Variants in CNOT2 observed in about 807,000 individuals in gnomAD.
CNOT2 encodes CCR4-NOT transcription complex subunit 2, also known as CC chemokine receptor 4-negative regulator of transcription 2.
In CNOT2, 7 loss-of-function variants were observed where a neutral mutation model predicts 72.1. The observed-to-expected ratio is 0.10, with a 90% CI of 0.06 to 0.18. The LOEUF is 0.18. Ranked by LOEUF, CNOT2 falls within the 10% of genes least tolerant of loss-of-function variation. CNOT2 has a pLI of 1.00. For synonymous variants in CNOT2, 196 were observed against 225.6 expected (o/e 0.87, Z 1.17); for missense variants, 345 against 660.3 (o/e 0.52, Z 5.23).
At chr12:70,319,438 C>T (rs74396971) in intron 4 of CNOT2, 74 bp downstream of exon 4, 3 of 1,384,552 alleles carry the variant, frequency 2.2e-6, no homozygotes, top group Non-Finnish European at 3.1e-6. Flanking sequence ...AAAGAACAAC[C>T]AGTACTTCCT....
chr12:70,307,483 G>T (rs1008606634), intron 2 of CNOT2, among the ~76,000 whole-genome samples: 1 of 152,012 alleles, frequency 6.6e-6, no homozygotes, highest in Non-Finnish European at 1.5e-5. Flanking sequence ...TTTTCAGCTT[G>T]TTTATAATCT....
At chr12:70,339,113 C>CACACACAT (rs1171478126) in intron 11 of CNOT2, among the ~76,000 whole-genome samples, 15 of 149,900 alleles carry the variant, frequency 1.0e-4, no homozygotes, top group African/African-American at 3.7e-4. Flanking sequence ...CACACACACA[C>CACACACAT]CTTCCAGAAT....
At chr12:70,341,660 A>G (rs577921874) in intron 11 of CNOT2, among the ~76,000 whole-genome samples, 1 of 152,302 alleles carries the variant, frequency 6.6e-6, no homozygotes, top group East Asian at 1.9e-4. Context: ...CAGGCATATA[A>G]TAGGCACTCA....
At chr12:70,282,495 T>C (rs374697873) in intron 2 of CNOT2, among the ~76,000 whole-genome samples, 1 of 152,202 alleles carries the variant, frequency 6.6e-6, no homozygotes, top group South Asian at 2.1e-4. Flanking sequence ...ACCAAAACGT[T>C]GAAGAAAAAT....
At chr12:70,316,733 C>T (rs947636220) in intron 3 of CNOT2, among the ~76,000 whole-genome samples, 17 of 152,200 alleles carry the variant, frequency 1.1e-4, no homozygotes, top group African/African-American at 3.9e-4. Context: ...AATCAGCCTA[C>T]GGTTCTTGAT....
At chr12:70,267,832 T>C (rs1490003676) in intron 1 of CNOT2, among the ~76,000 whole-genome samples, 3 of 152,274 alleles carry the variant, frequency 2.0e-5, no homozygotes, top group Non-Finnish European at 4.4e-5. Flanking sequence ...TGACATCTGC[T>C]TTTTGTAAAT....
chr12:70,329,350 C>A, intron 4 of CNOT2, 73 bp from the exon 5 acceptor site: 3 of 1,265,606 alleles, frequency 2.4e-6, no homozygotes, highest in South Asian at 1.2e-5. Flanking sequence ...TCTTAAATCG[C>A]CAACTCCAGA....
chr12:70,260,427 T>C (rs967780257), intron 1 of CNOT2, among the ~76,000 whole-genome samples: 35 of 152,264 alleles, frequency 2.3e-4, no homozygotes, highest in African/African-American at 8.2e-4. Flanking sequence ...ATTTCATTTT[T>C]GGATTGTTCA....
intron 2 of CNOT2, among the ~76,000 whole-genome samples, chr12:70,283,467 TGATAGATA>T (rs3049214): frequency 0.023 from 3,269 of 142,536 alleles, 53 homozygotes; most frequent in Non-Finnish European, 0.028. Flanking sequence ...GTCAGTCGAT[TGATAGATA>T]GATAGATAGA....
chr12:70,288,218 A>ACTGCAACCTCTGC lies in CNOT2; in HGVS notation c.48+9949_48+9961dup, dbSNP rs751759954. 7.1e-4 allele frequency among the ~76,000 whole-genome samples: 86 copies of ACTGCAACCTCTGC among 121,394 alleles called. 4 individuals are homozygous for ACTGCAACCTCTGC. Among genetic ancestry groups the ACTGCAACCTCTGC allele is most frequent in the Non-Finnish European group, 1.3e-3 (78 of 60,128 alleles). 79.6% of individuals were successfully genotyped at this position (121,394 alleles called of 152,430 possible). On this transcript the variant is annotated intron_variant, in intron 2 of 15. Coordinates refer to ENST00000229195, the MANE Select transcript of CNOT2 (RefSeq NM_014515.7). ...GAGTGCAATGGTACGATCTTGGCTC[A>ACTGCAACCTCTGC]CTGCAACCTCTGCCTGCCTGGTTCA...
intron 1 of CNOT2, among the ~76,000 whole-genome samples, chr12:70,244,624 CT>C (rs1957788114): frequency 6.6e-6 from 1 of 152,166 alleles, no homozygotes; most frequent in Non-Finnish European, 1.5e-5. Flanking sequence ...GACATCTTCA[CT>C]TTTCAACATC....
intron 1 of CNOT2, among the ~76,000 whole-genome samples, chr12:70,248,292 G>A (rs924202449): frequency 1.3e-5 from 2 of 152,078 alleles, no homozygotes; most frequent in Non-Finnish European, 1.5e-5. Flanking sequence ...GAATAAAATT[G>A]CCCTTATGGA....
At chr12:70,269,633 A>T (rs1315282386) in intron 1 of CNOT2, among the ~76,000 whole-genome samples, 1 of 152,212 alleles carries the variant, frequency 6.6e-6, no homozygotes, top group East Asian at 1.9e-4. Context: ...AAGCAACTAA[A>T]GTGATATGAA....
At chr12:70,251,254 T>G (rs1163567530) in intron 1 of CNOT2, among the ~76,000 whole-genome samples, 1 of 152,042 alleles carries the variant, frequency 6.6e-6, no homozygotes, top group Non-Finnish European at 1.5e-5. Flanking sequence ...CATCCTAGAG[T>G]AGAGTAACTT....
chr12:70,327,171 G>C (rs142077996), intron 4 of CNOT2, among the ~76,000 whole-genome samples: 1 of 151,952 alleles, frequency 6.6e-6, no homozygotes, highest in East Asian at 1.9e-4. Flanking sequence ...TTTTTGGAAA[G>C]TGTATGTTTG....
intron 1 of CNOT2, among the ~76,000 whole-genome samples, chr12:70,250,328 A>G (rs12300080): frequency 0.013 from 2,051 of 152,262 alleles, 45 homozygotes; most frequent in African/African-American, 0.046. Flanking sequence ...CATATAATTT[A>G]GCTGCTTTTT....
chr12:70,294,602 A>G (rs1299469076), intron 2 of CNOT2, among the ~76,000 whole-genome samples: 3 of 152,108 alleles, frequency 2.0e-5, no homozygotes, highest in Non-Finnish European at 2.9e-5. Context: ...CAGAAAACCC[A>G]TGTTCAAAAA....
At chr12:70,293,694 A>G (rs1163630416) in intron 2 of CNOT2, among the ~76,000 whole-genome samples, 1 of 152,100 alleles carries the variant, frequency 6.6e-6, no homozygotes, top group Admixed American at 6.5e-5. Flanking sequence ...ACGAATTTTA[A>G]GTACATCCAT....
At chr12:70,265,330 T>TTCTCTTCTCTTTCC (rs1958989885) in intron 1 of CNOT2, among the ~76,000 whole-genome samples, 1 of 79,348 alleles carries the variant, frequency 1.3e-5, no homozygotes, top group Admixed American at 1.4e-4. Flanking sequence ...CTTCTCTTTC[T>TTCTCTTCTCTTTCC]TTCTTTTTTC....
Sources: allele counts gnomAD v4.1 joint callset (sites outside exome capture counted in the v4.1 genomes callset), GRCh38; gene constraint gnomAD v4.1.1; transcripts MANE v1.5; gene names NCBI Gene and HGNC (gene_info 2026-07-23, HGNC 2026-07-21).